The following SLC7A1 variants were observed in gnomAD, a reference collection of about 807,000 sequenced individuals.
SLC7A1 encodes solute carrier family 7 member 1, also known as high affinity cationic amino acid transporter 1.
In SLC7A1, 10 loss-of-function variants were observed where a neutral mutation model predicts 53.9. The observed-to-expected ratio is 0.19, with a 90% confidence interval of 0.11 to 0.31. SLC7A1 has a LOEUF of 0.31. SLC7A1 is among the 10% of genes least tolerant of loss of function. The probability of loss-of-function intolerance (pLI) is 1.00; values close to 1 mark genes in which losing one functional copy is unlikely to be tolerated. For synonymous variants in SLC7A1, 342 were observed against 338.7 expected (o/e 1.01, Z -0.11); for missense variants, 525 against 827.2 (o/e 0.63, Z 4.48).
intron 2 of SLC7A1, among the ~76,000 whole-genome samples, chr13:29,545,457 G>A (rs1869874299): frequency 6.6e-6 from 1 of 152,134 alleles, no homozygotes; most frequent in African/African-American, 2.4e-5. Context: ...CTGTTTCTAC[G>A]TGTGTAAAAT....
intron 1 of SLC7A1, among the ~76,000 whole-genome samples, chr13:29,587,622 T>C (rs1309753981): frequency 1.3e-5 from 2 of 152,210 alleles, no homozygotes; most frequent in Non-Finnish European, 2.9e-5. Flanking sequence ...GCAAGGGGTA[T>C]AGACCAGACA....
chr13:29,546,637 C>T (rs1474459360), intron 2 of SLC7A1, among the ~76,000 whole-genome samples: 2 of 152,148 alleles, frequency 1.3e-5, no homozygotes, highest in African/African-American at 2.4e-5. Flanking sequence ...CACACATAGG[C>T]CTGGGAACAC....
At chr13:29,527,742 C>G (rs3783263) in intron 5 of SLC7A1, among the ~76,000 whole-genome samples, 18,736 of 152,252 alleles carry the variant, frequency 0.12, 2,177 homozygotes, top group East Asian at 0.61. Context: ...GGGTCAGGCC[C>G]GAGGGTCTCC....
intron 1 of SLC7A1, among the ~76,000 whole-genome samples, chr13:29,557,992 G>T (rs114211368): frequency 6.1e-3 from 10 of 1,644 alleles, no homozygotes; most frequent in African/African-American, 0.017. Flanking sequence ...ATGTGAATGA[G>T]GGGGAGTGAA....
In SLC7A1 at chr13:29,512,965, T is replaced by G. The variant is rs1883436626; in HGVS notation, c.*1515A>C. The G allele has an allele frequency of 6.8e-6, 1 of 146,058 alleles. No homozygotes were observed. The highest frequency in any genetic ancestry group is 1.5e-5 in the Non-Finnish European group (1 of 64,688). The allele number at this position is 146,058 out of a possible 1,614,324, so 9.0% of individuals were successfully genotyped here. ...GAAGAAATGGAAAGGAAACTAAGTT[T>G]TGAAAGCAGCATTTCCATTTCCCCT... On this transcript the variant is annotated 3_prime_UTR_variant, in exon 13 of 13. Coordinates refer to ENST00000380752, the MANE Select transcript of SLC7A1 (RefSeq NM_003045.5).
chr13:29,569,855 G>A (rs1871123261), intron 1 of SLC7A1, among the ~76,000 whole-genome samples: 1 of 152,128 alleles, frequency 6.6e-6, no homozygotes, highest in East Asian at 1.9e-4. Flanking sequence ...AGAGCTCTAG[G>A]AGGCTGAGGC....
chr13:29,532,018 A>G (rs1206146569), intron 4 of SLC7A1, among the ~76,000 whole-genome samples: 8 of 152,132 alleles, frequency 5.3e-5, no homozygotes, highest in Admixed American at 1.3e-4. Context: ...ACTAGTGCAG[A>G]CTTACTTTCT....
chr13:29,554,667 T>G lies in SLC7A1; in HGVS notation c.-114-807A>C, dbSNP rs140565634. The stretch of plus-strand genomic sequence containing the variant: ...TTTAATTAAGCTGTCTGAAATATGA[T>G]TTGCACCTAATGTGAACCCAGACAA... On this transcript the variant is annotated intron_variant, in intron 1 of 12. Transcript: ENST00000380752. Among the ~76,000 whole-genome samples, 744 of 152,304 alleles carry G rather than the reference T, an allele frequency of 4.9e-3. 4 individuals are homozygous for G. Among genetic ancestry groups the G allele is most frequent in the African/African-American group, 0.017 (707 of 41,556 alleles).
chr13:29,551,420 C>A (rs1048766235), intron 2 of SLC7A1, among the ~76,000 whole-genome samples: 21 of 152,198 alleles, frequency 1.4e-4, no homozygotes, highest in Non-Finnish European at 1.5e-4. Context: ...TTCTCTTCAA[C>A]AGGAAAAGAT....
At chr13:29,560,129 A>AT (rs1042249020) in intron 1 of SLC7A1, among the ~76,000 whole-genome samples, 3 of 151,264 alleles carry the variant, frequency 2.0e-5, no homozygotes, top group East Asian at 1.9e-4. Context: ...TCTATTTTGA[A>AT]TTTTTTTGTT....
chr13:29,521,716 G>A (rs1868639754), intron 8 of SLC7A1, among the ~76,000 whole-genome samples: 1 of 152,136 alleles, frequency 6.6e-6, no homozygotes, highest in African/African-American at 2.4e-5. Flanking sequence ...ACACCTACAC[G>A]GCTCAGATTA....
intron 5 of SLC7A1, among the ~76,000 whole-genome samples, chr13:29,529,417 T>C (rs3783259): frequency 6.6e-6 from 1 of 152,032 alleles, no homozygotes; most frequent in Non-Finnish European, 1.5e-5. Flanking sequence ...CTTGCAGCTC[T>C]ATGTGGCCCC....
intron 1 of SLC7A1, among the ~76,000 whole-genome samples, chr13:29,569,861 G>A (rs1020235122): frequency 2.6e-5 from 4 of 152,192 alleles, no homozygotes; most frequent in Non-Finnish European, 4.4e-5. Flanking sequence ...CTAGGAGGCT[G>A]AGGCAGGAGT....
chr13:29,519,157 C>T (rs1350726378), intron 9 of SLC7A1, among the ~76,000 whole-genome samples: 1 of 152,184 alleles, frequency 6.6e-6, no homozygotes, highest in South Asian at 2.1e-4. Flanking sequence ...ACCTTCTGAT[C>T]CCAGGATCCT....
intron 1 of SLC7A1, among the ~76,000 whole-genome samples, chr13:29,571,605 AT>A (rs1871194523): frequency 6.6e-6 from 1 of 152,206 alleles, no homozygotes; most frequent in Non-Finnish European, 1.5e-5. Context: ...TTTGGGCCAA[AT>A]TTGGAAGCAT....
chr13:29,519,071 T>C (rs1868502793), intron 9 of SLC7A1, among the ~76,000 whole-genome samples: 1 of 152,152 alleles, frequency 6.6e-6, no homozygotes, highest in African/African-American at 2.4e-5. Flanking sequence ...GGCCTTGGGT[T>C]TTCCTAACTC....
intron 1 of SLC7A1, among the ~76,000 whole-genome samples, chr13:29,570,575 C>T (rs530419708): frequency 8.5e-5 from 13 of 152,306 alleles, no homozygotes; most frequent in Middle Eastern, 6.8e-3. Context: ...GGACCGGGCA[C>T]GGTGGCTCAC....
intron 2 of SLC7A1, among the ~76,000 whole-genome samples, chr13:29,545,155 G>A (rs1275617053): frequency 6.6e-6 from 1 of 152,094 alleles, no homozygotes; most frequent in Non-Finnish European, 1.5e-5. Context: ...ATACTGAATG[G>A]TTTCATTCAC....
intron 2 of SLC7A1, among the ~76,000 whole-genome samples, chr13:29,544,617 A>G (rs1869825595): frequency 6.6e-6 from 1 of 152,168 alleles, no homozygotes; most frequent in African/African-American, 2.4e-5. Context: ...TGGCCCCAGC[A>G]CAAATCAAAT....
Sources: allele counts gnomAD v4.1 joint callset (sites outside exome capture counted in the v4.1 genomes callset), GRCh38; gene constraint gnomAD v4.1.1; transcripts MANE v1.5; gene names NCBI Gene and HGNC (gene_info 2026-07-23, HGNC 2026-07-21).